The following SLC35H1 variants were observed in gnomAD, a reference collection of about 807,000 sequenced individuals.
The protein encoded by SLC35H1 is ovarian cancer-overexpressed gene 1 protein.
the SLC35H1 span, chr20:46,352,657 G>T: frequency 3.9e-5 from 1 of 25,652 alleles, no homozygotes; most frequent in Admixed American, 3.5e-4. Flanking sequence ...GGATCCTAGC[G>T]GGATGACGAT....
chr20:46,358,422 T>C, the SLC35H1 span: 14 of 1,614,014 alleles, frequency 8.7e-6, no homozygotes, highest in Middle Eastern at 1.6e-4. Flanking sequence ...GTGATGCCGA[T>C]GGAGAAGCAG....
At chr20:46,351,375 G>A in the SLC35H1 span, among the ~76,000 whole-genome samples, 3 of 152,360 alleles carry the variant, frequency 2.0e-5, no homozygotes, top group Non-Finnish European at 4.4e-5. Flanking sequence ...CATGCGGCTG[G>A]CCACCAGAAG....
the SLC35H1 span, among the ~76,000 whole-genome samples, chr20:46,358,073 T>C: frequency 4.6e-5 from 7 of 152,204 alleles, no homozygotes; most frequent in Non-Finnish European, 1.0e-4. Context: ...TGAGAGCCAC[T>C]GCGGCCCACT....
At chr20:46,352,216 C>T in the SLC35H1 span, 2 of 1,614,104 alleles carry the variant, frequency 1.2e-6, no homozygotes, top group South Asian at 2.2e-5. Context: ...CAGATGTGGA[C>T]AAATGGAGAC....
At chr20:46,350,934 T>G in the SLC35H1 span, 1 of 1,609,560 alleles carries the variant, frequency 6.2e-7, no homozygotes, top group Non-Finnish European at 8.5e-7. Context: ...ACAGGCAGAT[T>G]TGGCTGCTTG....
the SLC35H1 span, among the ~76,000 whole-genome samples, chr20:46,360,528 C>T: frequency 7.1e-6 from 1 of 141,736 alleles, no homozygotes; most frequent in South Asian, 2.4e-4. Context: ...TGTTATAGGG[C>T]ATGGTTATTT....
chr20:46,357,586 T>A, the SLC35H1 span: 1 of 1,597,698 alleles, frequency 6.3e-7, no homozygotes, highest in Non-Finnish European at 8.5e-7. Context: ...CCCCAGCCCC[T>A]CTTCCTGCTC....
At chr20:46,354,788 CAAT>C in the SLC35H1 span, 1 of 1,167,160 alleles carries the variant, frequency 8.6e-7, no homozygotes, top group Admixed American at 2.0e-5. Flanking sequence ...TCTTTGATCT[CAAT>C]AATCTCTGCA....
At chr20:46,358,244 G>A in the SLC35H1 span, 1 of 765,062 alleles carries the variant, frequency 1.3e-6, no homozygotes, top group South Asian at 1.7e-5. Context: ...CAGGCTTGGA[G>A]GGCCCTGTTC....
chr20:46,364,171 G>C, the SLC35H1 span: 3 of 152,324 alleles, frequency 2.0e-5, no homozygotes, highest in Admixed American at 1.3e-4. Context: ...GCCGGCGTCC[G>C]GCAGGTGCCT....
chr20:46,350,682 C>T, the SLC35H1 span: 1 of 1,563,362 alleles, frequency 6.4e-7, no homozygotes, highest in African/African-American at 1.4e-5. Context: ...CCACCGGGCA[C>T]ACTTCCTGCA....
At chr20:46,350,789 G>A in the SLC35H1 span, 16 of 1,614,028 alleles carry the variant, frequency 9.9e-6, no homozygotes, top group Admixed American at 5.0e-5. Flanking sequence ...TGAGGGCAAC[G>A]TGGAGGGATA....
chr20:46,358,076 G>A, the SLC35H1 span, among the ~76,000 whole-genome samples: 2 of 152,190 alleles, frequency 1.3e-5, no homozygotes, highest in African/African-American at 4.8e-5. Context: ...GAGCCACTGC[G>A]GCCCACTACG....
the SLC35H1 span, chr20:46,356,674 G>A: frequency 1.0e-5 from 16 of 1,598,866 alleles, no homozygotes; most frequent in South Asian, 1.1e-5. Flanking sequence ...CAGCTTGGGA[G>A]GTCCACACTC....
At chr20:46,352,387 C>T in the SLC35H1 span, 1 of 666,680 alleles carries the variant, frequency 1.5e-6, no homozygotes, top group Non-Finnish European at 2.5e-6. Context: ...TAAAGTGATC[C>T]CACACAGATG....
the SLC35H1 span, among the ~76,000 whole-genome samples, chr20:46,362,842 C>G: frequency 4.5e-4 from 68 of 152,356 alleles, 1 homozygote; most frequent in Non-Finnish European, 2.1e-4. Flanking sequence ...TCTCGGCTCA[C>G]CGCAAACTCC....
chr20:46,355,822 T>C, the SLC35H1 span: 1 of 1,613,722 alleles, frequency 6.2e-7, no homozygotes, highest in Non-Finnish European at 8.5e-7. This position sits in a 1 kb window ranked among gnomAD's most constrained non-coding sequence, Gnocchi z 4.8. Flanking sequence ...AGCTTGAAGA[T>C]CAGAGAGAAG....
the SLC35H1 span, chr20:46,355,427 C>T: frequency 5.8e-6 from 4 of 687,216 alleles, no homozygotes; most frequent in Admixed American, 2.9e-5. This position sits in a 1 kb window ranked among gnomAD's most constrained non-coding sequence, Gnocchi z 4.8. Flanking sequence ...GTAGGGCTGA[C>T]GGTCAGCTGG....
At chr20:46,358,742 C>A in the SLC35H1 span, 1 of 1,543,882 alleles carries the variant, frequency 6.5e-7, no homozygotes, top group South Asian at 1.2e-5. Context: ...TTGGATGCAG[C>A]GCTCACAGGT....
Sources: gnomAD v4.1 joint callset for allele counts (sites outside exome capture counted in the v4.1 genomes callset) on GRCh38, gnomAD v4.1.1 for gene constraint, Gnocchi (gnomAD v3.1) non-coding constraint, MANE v1.5 for transcripts, NCBI Gene and HGNC (gene_info 2026-07-23, HGNC 2026-07-21) for gene names.